The following C12orf50 variants were observed in gnomAD, a reference collection of about 807,000 sequenced individuals.
C12orf50 encodes the protein uncharacterized protein C12orf50.
C12orf50 carries 35 observed loss-of-function variants against 61.6 expected under a neutral mutation model. The observed-to-expected ratio is 0.57, with a 90% CI of 0.43 to 0.75. The LOEUF is 0.75. Ranked by LOEUF, C12orf50 falls within the 30% of genes least tolerant of loss-of-function variation. The pLI is 0.00. For synonymous variants in C12orf50, 178 were observed against 161.5 expected (o/e 1.10, Z -0.77); for missense variants, 475 against 488.5 (o/e 0.97, Z 0.26).
Position 88,013,980 on chromosome 12 carries a change from T to C in C12orf50, c.133+12508A>G, listed in dbSNP as rs2032211045. Among the ~76,000 whole-genome samples the C allele has an allele frequency of 2.0e-5, 3 of 152,000 alleles. No individual in the cohort carries two copies. The South Asian group carries it at 6.2e-4, about 32-fold the overall frequency. On this transcript the variant is annotated intron_variant, in intron 3 of 12. Transcript: ENST00000298699. Reference sequence around the variant, plus strand: ...CTTCACGTGATATAAGAGAACAAGTTTCAGAAAAGACAGGGAAATATAAAT... The same window carrying C: ...CTTCACGTGATATAAGAGAACAAGTCTCAGAAAAGACAGGGAAATATAAAT...
chr12:87,997,563 G>A (rs1044700910), intron 4 of C12orf50, among the ~76,000 whole-genome samples: 2 of 151,842 alleles, frequency 1.3e-5, no homozygotes, highest in African/African-American at 4.8e-5. Flanking sequence ...CCCTCCCCTG[G>A]CCCTCCACCC....
At chr12:88,005,820 G>A (rs192538190) in intron 3 of C12orf50, among the ~76,000 whole-genome samples, 58 of 151,694 alleles carry the variant, frequency 3.8e-4, no homozygotes, top group Admixed American at 3.8e-3. Context: ...ATCCCCTTCT[G>A]GGATAACTAG....
chr12:87,995,733 C>T (rs964395528), intron 6 of C12orf50, among the ~76,000 whole-genome samples: 19 of 152,008 alleles, frequency 1.2e-4, no homozygotes, highest in Non-Finnish European at 2.8e-4. Context: ...TCTGTCCTTC[C>T]CTATATGGTT....
intron 1 of C12orf50, 50 bp from the exon 2 acceptor site, chr12:88,027,120 G>T (rs527920181): frequency 2.0e-6 from 3 of 1,515,392 alleles, no homozygotes; most frequent in East Asian, 4.8e-5. Context: ...TGACATTAGT[G>T]TTCAACAACA....
chr12:88,023,323 G>A (rs2032586377), intron 3 of C12orf50, among the ~76,000 whole-genome samples: 1 of 152,050 alleles, frequency 6.6e-6, no homozygotes, highest in Non-Finnish European at 1.5e-5. Flanking sequence ...AATGGAAACT[G>A]AACCCCTACC....
chr12:87,981,611 T>G (rs2030476738), intron 12 of C12orf50, among the ~76,000 whole-genome samples: 1 of 152,134 alleles, frequency 6.6e-6, no homozygotes, highest in Non-Finnish European at 1.5e-5. Context: ...CTGTCAAGAT[T>G]ACAGCTAAAT....
chr12:87,987,956 G>T lies in C12orf50; in HGVS notation c.711C>A (p.Asp237Glu). 6.3e-7 allele frequency: 1 copy of T among 1,589,506 alleles called. No individual in the cohort carries two copies. The highest frequency in any genetic ancestry group is 8.6e-7 in the Non-Finnish European group (1 of 1,164,352). The change falls in exon 9 of 13, where the codon GAC becomes GAA. Residue 237 changes from aspartate (D) to glutamate (E), a missense_variant. Coordinates refer to ENST00000298699, the MANE Select transcript of C12orf50 (RefSeq NM_152589.3). ...TTAGGGAATGCTTTGGATGAGGACT[G>T]TCCTTGTTATCTTTTAAAGCAAATT... ...SKCSNTKDNKDSPHPKHSLTT... is the reference protein window; with the variant it reads ...SKCSNTKDNKESPHPKHSLTT...
Position 87,986,065 on chromosome 12 carries a change from G to T in C12orf50, c.923-12C>A. ...TGGGGCCTGTACTGCTGTAAAGAAA[G>T]GTGGGAGGGAGTGAGGAATAAAACA... On this transcript the variant is annotated splice_polypyrimidine_tract_variant and intron_variant, in intron 10 of 12. Coordinates refer to ENST00000298699, the MANE Select transcript of C12orf50 (RefSeq NM_152589.3). The T allele has an allele frequency of 6.2e-7, 1 of 1,611,700 alleles. No homozygotes were observed. Among genetic ancestry groups the T allele is most frequent in the Non-Finnish European group, 8.5e-7 (1 of 1,178,042 alleles).
chr12:87,992,422 C>G (rs1374315949), intron 7 of C12orf50, among the ~76,000 whole-genome samples: 1 of 151,868 alleles, frequency 6.6e-6, no homozygotes, highest in Non-Finnish European at 1.5e-5. Flanking sequence ...ATACTATATA[C>G]ATAGAGAGAG....
rs199586230 is a variant in C12orf50, at chr12:87,994,754, G to C, written c.482-11C>G. The C allele has an allele frequency of 1.3e-6, 2 of 1,561,040 alleles. No individual in the cohort carries two copies. The highest frequency in any genetic ancestry group is 2.2e-5 in the East Asian group (1 of 44,450). On this transcript the variant is annotated splice_polypyrimidine_tract_variant and intron_variant, in intron 6 of 12. Coordinates refer to ENST00000298699, the MANE Select transcript of C12orf50 (RefSeq NM_152589.3). ...CTGTAAGACTATCTCCTAGAAATAA[G>C]AAGAAAAAAAAGTCACCCCAGAAAT... is the stretch of plus-strand genomic sequence containing the variant.
chr12:88,001,805 T>A (rs1383495307), intron 3 of C12orf50, among the ~76,000 whole-genome samples: 1 of 151,634 alleles, frequency 6.6e-6, no homozygotes, highest in Non-Finnish European at 1.5e-5. Context: ...TCCCTTTTAA[T>A]TCTTTTTATT....
intron 3 of C12orf50, among the ~76,000 whole-genome samples, chr12:88,014,205 G>A (rs2032219903): frequency 6.6e-6 from 1 of 152,108 alleles, no homozygotes; most frequent in Non-Finnish European, 1.5e-5. Context: ...AGATCAGGAG[G>A]TCTGATGCAT....
At chr12:87,999,742 C>T (rs1382330768) in intron 3 of C12orf50, among the ~76,000 whole-genome samples, 2 of 151,992 alleles carry the variant, frequency 1.3e-5, no homozygotes, top group African/African-American at 4.8e-5. Context: ...TTTATATCAA[C>T]ATTATTTATA....
rs756169120 is a variant in C12orf50 at position 88,000,273 on chromosome 12, CG to C, written c.134-2084del. Among the ~76,000 whole-genome samples the C allele has an allele frequency of 9.9e-5, 15 of 151,984 alleles. No homozygotes were observed. In the East Asian group the frequency reaches 1.2e-3, roughly 12 times the overall value. On this transcript the variant is annotated intron_variant, in intron 3 of 12. Coordinates refer to ENST00000298699, the MANE Select transcript of C12orf50 (RefSeq NM_152589.3). ...ATCTAGTTGTCTTAGCACCATTTGT[CG>C]AAAATACTATTCTTTTCCCCATTGA...
intron 3 of C12orf50, among the ~76,000 whole-genome samples, chr12:88,017,526 T>A (rs961938250): frequency 3.3e-5 from 5 of 152,184 alleles, no homozygotes; most frequent in African/African-American, 1.2e-4. Flanking sequence ...CTGGTGCCAG[T>A]AGAGTGGAGC....
At chr12:88,023,219 C>G (rs1565762667) in intron 3 of C12orf50, among the ~76,000 whole-genome samples, 1 of 151,754 alleles carries the variant, frequency 6.6e-6, no homozygotes, top group Non-Finnish European at 1.5e-5. Context: ...CTGCAACCAT[C>G]TAATCTTTGA....
chr12:87,994,544 A>G, intron 7 of C12orf50, 89 bp downstream of exon 7: 2 of 1,068,452 alleles, frequency 1.9e-6, no homozygotes, highest in Non-Finnish European at 2.7e-6. Context: ...ACATGGACAA[A>G]AAAAGAAAAT....
chr12:88,019,124 T>A lies in C12orf50; in HGVS notation c.133+7364A>T, dbSNP rs1206872163. Reference sequence around the variant, plus strand: ...TGGCTCTTTCCCCACCCAAATCTCATCTTGAATTGTAACTCCCACAATTCC... The same window carrying A: ...TGGCTCTTTCCCCACCCAAATCTCAACTTGAATTGTAACTCCCACAATTCC... On this transcript the variant is annotated intron_variant, in intron 3 of 12. Coordinates refer to ENST00000298699, the MANE Select transcript of C12orf50 (RefSeq NM_152589.3). Among the ~76,000 whole-genome samples the A allele has an allele frequency of 1.3e-5, 2 of 152,138 alleles. 1 individual carries two copies.
At position 88,008,999 on chromosome 12, in the gene C12orf50, G is replaced by T. The variant is rs140919119; in HGVS notation, c.134-10809C>A. 3.7e-4 allele frequency among the ~76,000 whole-genome samples: 57 copies of T among 152,098 alleles called. 1 individual carries two copies. The highest frequency in any genetic ancestry group is 1.4e-3 in the African/African-American group (57 of 41,504). On this transcript the variant is annotated intron_variant, in intron 3 of 12. Transcript: ENST00000298699. ...ACCTGTTTCTCCTATTTTCATCACT[G>T]TCTAGTATTGAATGAATGTACCACA...
Sources: gnomAD v4.1 joint callset for allele counts (sites outside exome capture counted in the v4.1 genomes callset) on GRCh38, gnomAD v4.1.1 for gene constraint, MANE v1.5 for transcripts, NCBI Gene and HGNC (gene_info 2026-07-23, HGNC 2026-07-21) for gene names.